AK5: variants seen among roughly 807,000 people sequenced by gnomAD.
The protein encoded by AK5 is adenylate kinase 5, also known as adenylate kinase isoenzyme 5.
Under a neutral mutation model 69.5 loss-of-function variants are expected in AK5, and 27 were observed. That is an observed-to-expected ratio of 0.39 (90% confidence interval 0.29 to 0.54). The LOEUF (loss-of-function observed/expected upper bound fraction) is 0.54, where lower values mean the gene tolerates loss of function less well. Among genes scored for constraint, AK5 ranks in the 20% least tolerant of loss-of-function variants. AK5 has a pLI of 0.71. For missense variants in AK5, 531 were observed against 700.4 expected, an observed-to-expected ratio of 0.76 and a Z score of 2.73; for synonymous variants, 260 against 244.4, an observed-to-expected ratio of 1.06 and a Z score of -0.60.
At chr1:77,524,293 T>TAC (rs1277098845) in intron 12 of AK5, among the ~76,000 whole-genome samples, 2 of 152,238 alleles carry the variant, frequency 1.3e-5, no homozygotes, top group East Asian at 3.8e-4. Flanking sequence ...TTTGGGTATA[T>TAC]ACCCACAAGT....
At chr1:77,486,871 A>C (rs572312229) in intron 10 of AK5, among the ~76,000 whole-genome samples, 1 of 152,192 alleles carries the variant, frequency 6.6e-6, no homozygotes, top group Non-Finnish European at 1.5e-5. Context: ...GGCTTGAAAG[A>C]ATGTCAAACT....
rs774086957 is a variant in AK5 at position 77,340,467 on chromosome 1, C to A, written c.790C>A (p.Pro264Thr). ...LLKRAEQQGR[P>T]DDNVKATQRR... ...GAAGCGTGCAGAACAGCAGGGCCGA[C>A]CAGACGACAATGTAAAAGCTACCCA... The change falls in exon 6 of 14, where the codon CCA (proline) becomes ACA (threonine). Residue 264 changes from proline to threonine, a missense_variant. By Grantham distance (38) the Pro-to-Thr change is conservative (BLOSUM62 -1). Transcript: ENST00000354567. The A allele has an allele frequency of 1.2e-6, 2 of 1,614,116 alleles. No individual in the cohort carries two copies. The highest frequency in any genetic ancestry group is 1.1e-5 in the South Asian group (1 of 91,082).
At chr1:77,357,100 G>A (rs1351620855) in intron 6 of AK5, among the ~76,000 whole-genome samples, 1 of 152,132 alleles carries the variant, frequency 6.6e-6, no homozygotes, top group Non-Finnish European at 1.5e-5. Flanking sequence ...CATTGGGTAG[G>A]ACTGCCAATT....
chr1:77,443,677 CTGTGTGTGTGTGTGTGTGTG>C (rs71244408), intron 8 of AK5, among the ~76,000 whole-genome samples: 40 of 134,038 alleles, frequency 3.0e-4, no homozygotes, highest in Non-Finnish European at 5.2e-4. Context: ...TGTGGGGAGT[CTGTGTGTGTGTGTGTGTGTG>C]TGTGTGTGTG....
At chr1:77,536,696 C>T (rs1192571501) in intron 13 of AK5, among the ~76,000 whole-genome samples, 1 of 152,212 alleles carries the variant, frequency 6.6e-6, no homozygotes, top group African/African-American at 2.4e-5. Context: ...CTGCCACTGA[C>T]TCTGGACTGT....
chr1:77,404,209 T>G (rs1649457203), intron 6 of AK5, among the ~76,000 whole-genome samples: 1 of 152,180 alleles, frequency 6.6e-6, no homozygotes, highest in Admixed American at 6.5e-5. Context: ...TGTAAGGGCT[T>G]CACAATTTTT....
intron 10 of AK5, among the ~76,000 whole-genome samples, chr1:77,497,745 G>A (rs535358987): frequency 2.6e-5 from 4 of 152,104 alleles, no homozygotes; most frequent in South Asian, 4.1e-4. Context: ...GCACCACCAC[G>A]CCCGGCTTAT....
At chr1:77,346,591 G>A (rs1450900600) in intron 6 of AK5, among the ~76,000 whole-genome samples, 1 of 152,116 alleles carries the variant, frequency 6.6e-6, no homozygotes, top group Non-Finnish European at 1.5e-5. Flanking sequence ...CTGCCTCCCA[G>A]GTTCAAGCCA....
At chr1:77,548,974 C>G (rs1342418245) in intron 13 of AK5, among the ~76,000 whole-genome samples, 2 of 141,136 alleles carry the variant, frequency 1.4e-5, no homozygotes, top group Non-Finnish European at 3.0e-5. Flanking sequence ...CTCTCGGGGT[C>G]AAGCGATTCT....
intron 6 of AK5, among the ~76,000 whole-genome samples, chr1:77,397,698 C>G (rs1648924260): frequency 6.6e-6 from 1 of 152,098 alleles, no homozygotes; most frequent in African/African-American, 2.4e-5. Context: ...AGTTCGAAAC[C>G]AGCCTGGGAA....
intron 5 of AK5, among the ~76,000 whole-genome samples, chr1:77,315,730 A>G (rs1660211844): frequency 6.6e-6 from 1 of 152,172 alleles, no homozygotes; most frequent in South Asian, 2.1e-4. Context: ...CCACAATGTC[A>G]GTCTTTATGC....
intron 6 of AK5, among the ~76,000 whole-genome samples, chr1:77,370,579 G>A (rs527693495): frequency 6.6e-6 from 1 of 152,286 alleles, no homozygotes; most frequent in East Asian, 1.9e-4. Flanking sequence ...AAACTTTAGA[G>A]ATGGATCAGG....
At chr1:77,360,762 G>C (rs1646848814) in intron 6 of AK5, among the ~76,000 whole-genome samples, 1 of 152,146 alleles carries the variant, frequency 6.6e-6, no homozygotes, top group Non-Finnish European at 1.5e-5. Context: ...ATCTGTGACT[G>C]TAAGCAGCCT....
At chr1:77,532,586 A>G (rs890186815) in intron 12 of AK5, among the ~76,000 whole-genome samples, 8 of 152,220 alleles carry the variant, frequency 5.3e-5, no homozygotes, top group Admixed American at 3.3e-4. Context: ...TAAAGTGGGA[A>G]TAATCATACT....
Position 77,558,747 on chromosome 1 carries a change from T to A in AK5, c.*77T>A. 1 of 1,113,664 alleles carries A rather than the reference T, an allele frequency of 9.0e-7. No individual in the cohort carries two copies. Among genetic ancestry groups the A allele is most frequent in the Non-Finnish European group, 1.4e-6 (1 of 734,032 alleles). The allele number at this position is 1,113,664 out of a possible 1,614,324, so 69.0% of individuals were successfully genotyped here. A position where few individuals can be genotyped will look rare whatever the true frequency, so the allele number is the denominator to read the frequency against. On this transcript the variant is annotated 3_prime_UTR_variant, in exon 14 of 14. Transcript: ENST00000354567. ...CATTCCTTAACACAATGTTTCAAGT[T>A]AAACCTTTTGTGTCACCGCCCCCAC...
intron 11 of AK5, among the ~76,000 whole-genome samples, chr1:77,519,499 G>C (rs1030667013): frequency 1.3e-5 from 2 of 152,184 alleles, no homozygotes; most frequent in Non-Finnish European, 2.9e-5. Flanking sequence ...GACCCCAAGA[G>C]AGGGTTCTTG....
At chr1:77,293,742 T>G in intron 2 of AK5, 51 bp from the exon 3 acceptor site, 1 of 1,451,248 alleles carries the variant, frequency 6.9e-7, no homozygotes, top group Non-Finnish European at 9.3e-7. Context: ...GTGTGAAGAG[T>G]GTTTTATTAT....
At position 77,402,952 on chromosome 1, in the gene AK5, C is replaced by T. The variant is rs986720067; in HGVS notation, c.892-8029C>T. Among the ~76,000 whole-genome samples the T allele has an allele frequency of 5.0e-3, 754 of 152,186 alleles. 9 individuals carry two copies. The highest frequency in any genetic ancestry group is 0.017 in the African/African-American group (705 of 41,524). On this transcript the variant is annotated intron_variant, in intron 6 of 13. Transcript: ENST00000354567. The stretch of plus-strand genomic sequence containing the variant: ...TCCTATTTCTCCACATCCTCTCCAG[C>T]ACCTGTTGTTTCCTGACTTTTTAAT...
intron 10 of AK5, among the ~76,000 whole-genome samples, chr1:77,499,979 G>A (rs1278221106): frequency 3.5e-5 from 5 of 141,824 alleles, no homozygotes; most frequent in African/African-American, 1.1e-4. Flanking sequence ...TGAATGAATG[G>A]AAAATGATGA....
Sources: gnomAD v4.1 joint callset for allele counts (sites outside exome capture counted in the v4.1 genomes callset) on GRCh38, gnomAD v4.1.1 for gene constraint, MANE v1.5 for transcripts, NCBI Gene and HGNC (gene_info 2026-07-23, HGNC 2026-07-21) for gene names.